RPS6KA1: variants seen among roughly 807,000 people sequenced by gnomAD.
RPS6KA1 encodes ribosomal protein S6 kinase A1.
In RPS6KA1, 48 loss-of-function variants were observed where a neutral mutation model predicts 91.3. The observed-to-expected ratio is 0.53, with a 90% CI of 0.42 to 0.67. The LOEUF is 0.67. Among genes scored for constraint, RPS6KA1 ranks in the 30% least tolerant of loss-of-function variants. RPS6KA1 has a pLI of 0.00. For missense variants in RPS6KA1, 719 were observed against 960.5 expected (o/e 0.75, Z 3.32); for synonymous variants, 359 against 384.7 (o/e 0.93, Z 0.78).
rs748764001 is a variant in RPS6KA1, at chr1:26,562,825, C to CTTTTTTTT, written c.1590+1182_1590+1189dup. On this transcript the variant is annotated intron_variant, in intron 17 of 21. Transcript: ENST00000374168. ...ATAGACACATTTTTCTCCTATTGTCCTTTTTTTTTTTTTTTTTTTTTTTTT... is the reference window on the plus strand; with the variant it reads ...ATAGACACATTTTTCTCCTATTGTCCTTTTTTTTTTTTTTTTTTTTTTTTTTTTTTTTT... Among the ~76,000 whole-genome samples, 26 of 81,430 alleles carry CTTTTTTTT rather than the reference C, an allele frequency of 3.2e-4. 1 individual carries two copies. The highest frequency in any genetic ancestry group is 1.2e-3 in the African/African-American group (24 of 19,712). The allele number at this position is 81,430 out of a possible 152,430, so 53.4% of individuals were successfully genotyped here.
At position 26,540,951 on chromosome 1, in the gene RPS6KA1, C is replaced by T. The variant is rs1023664608; in HGVS notation, c.108+3982C>T. Among the ~76,000 whole-genome samples the T allele has an allele frequency of 3.9e-5, 6 of 152,114 alleles. No homozygotes were observed. Among genetic ancestry groups the T allele is most frequent in the African/African-American group, 1.2e-4 (5 of 41,428 alleles). ...GATTGCAGGCATATGCCACTATGCC[C>T]GGCTAATTTCATATTTTTAGTAGAG... On this transcript the variant is annotated intron_variant, in intron 2 of 21. Coordinates refer to ENST00000374168, the MANE Select transcript of RPS6KA1 (RefSeq NM_002953.4). The surrounding 1 kb of genome is among the most constrained non-coding windows in gnomAD (Gnocchi z 4.2).
At chr1:26,546,790 G>T in intron 2 of RPS6KA1, 77 bp from the exon 3 acceptor site, 1 of 1,075,468 alleles carries the variant, frequency 9.3e-7, no homozygotes, top group Non-Finnish European at 1.4e-6. Context: ...TGGTCTGGTG[G>T]GAATGGACTT....
In RPS6KA1 at chr1:26,561,318, T is replaced by C. The variant is rs1454593545; in HGVS notation, c.1431+184T>C. 6.6e-6 allele frequency among the ~76,000 whole-genome samples: 1 copy of C among 152,176 alleles called. No individual in the cohort carries two copies. The highest frequency in any genetic ancestry group is 2.4e-5 in the African/African-American group (1 of 41,428). On this transcript the variant is annotated intron_variant, in intron 16 of 21. Transcript: ENST00000374168. The surrounding 1 kb of genome is among the most constrained non-coding windows in gnomAD (Gnocchi z 5.7). ...CCCTCCTTCAGACTCAGACATTTTC[T>C]GAGGACCTTCTTGCGTATCAGGAGA... is the stretch of plus-strand genomic sequence containing the variant.
rs2076095800 is a variant in RPS6KA1 at position 26,555,772 on chromosome 1, T to A, written c.916+147T>A. 2 of 783,444 alleles carry A rather than the reference T, an allele frequency of 2.6e-6. No homozygotes were observed. The highest frequency in any genetic ancestry group is 4.3e-6 in the Non-Finnish European group (2 of 466,804). 48.5% of individuals were successfully genotyped at this position (783,444 alleles called of 1,614,324 possible). On this transcript the variant is annotated intron_variant, in intron 11 of 21. Transcript: ENST00000374168. The surrounding 1 kb of genome is among the most constrained non-coding windows in gnomAD (Gnocchi z 4.3). ...GCCGCGGGCCACCCTGCTTTCTGGC[T>A]CCATGTGTGGTGTTGTGGAGGGGGG... is the stretch of plus-strand genomic sequence containing the variant.
chr1:26,556,938 G>A, intron 12 of RPS6KA1, 60 bp from the exon 13 acceptor site: 4 of 1,359,800 alleles, frequency 2.9e-6, no homozygotes, highest in South Asian at 1.2e-5. Context: ...CTCCTGCATG[G>A]GGCTCCTGGT....
In RPS6KA1 at chr1:26,574,032, G is replaced by A. The variant is rs771438193; in HGVS notation, c.2086-47G>A. ...CCCTTGGGGCATGGATCCCCTCCCC[G>A]CTACATCTCCCACCATTGTGACCTG... is the stretch of plus-strand genomic sequence containing the variant. On this transcript the variant is annotated intron_variant, in intron 21 of 21. Transcript: ENST00000374168. The surrounding 1 kb of genome is among the most constrained non-coding windows in gnomAD (Gnocchi z 4.3). 2.2e-5 allele frequency: 35 copies of A among 1,592,110 alleles called. No individual in the cohort carries two copies. Among genetic ancestry groups the A allele is most frequent in the Middle Eastern group, 3.3e-4 (2 of 5,994 alleles).
intron 17 of RPS6KA1, among the ~76,000 whole-genome samples, chr1:26,565,102 G>A (rs2076187624): frequency 6.6e-6 from 1 of 152,210 alleles, no homozygotes; most frequent in Admixed American, 6.5e-5. Context: ...TCTCCTTCCT[G>A]AAGCTAGGAG....
chr1:26,569,400 T>C (rs909582423), intron 17 of RPS6KA1, among the ~76,000 whole-genome samples: 4 of 152,142 alleles, frequency 2.6e-5, no homozygotes, highest in Admixed American at 1.3e-4. Context: ...GGGCCTGGCC[T>C]TGTGCTGTGG....
At position 26,540,416 on chromosome 1, in the gene RPS6KA1, T is replaced by C. The variant is rs543290486; in HGVS notation, c.108+3447T>C. ...TTTCTCTACCTGGAGTGTCTTTTTT[T>C]CCTCCTTTCTGCCTGGCCAACATTT... On this transcript the variant is annotated intron_variant, in intron 2 of 21. Coordinates refer to ENST00000374168, the MANE Select transcript of RPS6KA1 (RefSeq NM_002953.4). The surrounding 1 kb of genome is among the most constrained non-coding windows in gnomAD (Gnocchi z 4.2). Among the ~76,000 whole-genome samples, 1 of 152,144 alleles carries C rather than the reference T, an allele frequency of 6.6e-6. No homozygotes were observed. Among genetic ancestry groups the C allele is most frequent in the South Asian group, 2.1e-4 (1 of 4,834 alleles).
chr1:26,530,847 C>T (rs1197511609), intron 1 of RPS6KA1: 1 of 1,287,064 alleles, frequency 7.8e-7, no homozygotes, highest in Admixed American at 2.3e-5. Flanking sequence ...AAGGTCAAGC[C>T]CCTGAATGAG....
intron 1 of RPS6KA1, among the ~76,000 whole-genome samples, chr1:26,535,404 C>G (rs1268832872): frequency 6.6e-6 from 1 of 152,014 alleles, no homozygotes; most frequent in South Asian, 2.1e-4. Context: ...GGACCCAGCT[C>G]CTGGCTCCAA....
intron 6 of RPS6KA1, chr1:26,552,956 G>A (rs935720650): frequency 5.6e-5 from 17 of 301,830 alleles, no homozygotes; most frequent in African/African-American, 1.8e-4. Flanking sequence ...AAACAAATCC[G>A]ATATATGTTC....
Position 26,561,971 on chromosome 1 carries a change from C to T in RPS6KA1, c.1590+308C>T, listed in dbSNP as rs187006862. On this transcript the variant is annotated intron_variant, in intron 17 of 21. Transcript: ENST00000374168. The surrounding 1 kb of genome is among the most constrained non-coding windows in gnomAD (Gnocchi z 5.7). ...TAATCCCAGCAACTTGGGAGGGCAA[C>T]GCAGGTGGATCACTTGAGGTCAGGA... is the stretch of plus-strand genomic sequence containing the variant. 1.6e-4 allele frequency among the ~76,000 whole-genome samples: 25 copies of T among 152,126 alleles called. No individual in the cohort carries two copies. In the East Asian group the frequency reaches 4.2e-3, roughly 26 times the overall value.
chr1:26,535,097 A>T (rs2075896833), intron 1 of RPS6KA1, among the ~76,000 whole-genome samples: 1 of 151,894 alleles, frequency 6.6e-6, no homozygotes, highest in African/African-American at 2.4e-5. Flanking sequence ...ATGCTGGGTG[A>T]AGTGGAGCTC....
At chr1:26,553,717 G>T in intron 7 of RPS6KA1, 1 of 321,450 alleles carries the variant, frequency 3.1e-6, no homozygotes, top group South Asian at 7.4e-5. Flanking sequence ...AATGTTGCCC[G>T]TCTTTTTTTG....
Position 26,547,106 on chromosome 1 carries a change from G to C in RPS6KA1, c.226-83G>C, listed in dbSNP as rs1398127368. ...GTACCCAGGGAGAGCAAAAAGGTCA[G>C]CTTGGGGCTCAGAGAAGATAGAGGT... On this transcript the variant is annotated intron_variant, in intron 3 of 21. Coordinates refer to ENST00000374168, the MANE Select transcript of RPS6KA1 (RefSeq NM_002953.4). The surrounding 1 kb of genome is among the most constrained non-coding windows in gnomAD (Gnocchi z 4.1). 7 of 1,561,340 alleles carry C rather than the reference G, an allele frequency of 4.5e-6. No homozygotes were observed. Among genetic ancestry groups the C allele is most frequent in the Admixed American group, 3.3e-5 (2 of 59,846 alleles).
intron 13 of RPS6KA1, among the ~76,000 whole-genome samples, chr1:26,557,726 A>G (rs2076114978): frequency 6.7e-6 from 1 of 149,520 alleles, no homozygotes; most frequent in South Asian, 2.1e-4. Flanking sequence ...CTATAAGGGC[A>G]TGTTTTAGGA....
chr1:26,545,718 G>A, intron 2 of RPS6KA1: 1 of 822,134 alleles, frequency 1.2e-6, no homozygotes, highest in Non-Finnish European at 1.8e-6. Context: ...GGGAGAGAGA[G>A]GAAGGGAACG....
rs1438899819 is a variant in RPS6KA1, at chr1:26,574,362, C to T, written c.*161C>T. 4 of 865,672 alleles carry T rather than the reference C, an allele frequency of 4.6e-6. No individual in the cohort carries two copies. Among genetic ancestry groups the T allele is most frequent in the Non-Finnish European group, 8.0e-6 (4 of 499,410 alleles). 53.6% of individuals were successfully genotyped at this position (865,672 alleles called of 1,614,324 possible). On this transcript the variant is annotated 3_prime_UTR_variant, in exon 22 of 22. Transcript: ENST00000374168. This position sits in a 1 kb window ranked among gnomAD's most constrained non-coding sequence, Gnocchi z 4.3. ...CCCCTAATGAGGGTGTGAGAAGTGC[C>T]TTCTCCTTCCCCAGGATGGACTCTT...
Sources: gnomAD v4.1 joint callset for allele counts (sites outside exome capture counted in the v4.1 genomes callset) on GRCh38, gnomAD v4.1.1 for gene constraint, Gnocchi (gnomAD v3.1) non-coding constraint, MANE v1.5 for transcripts, NCBI Gene and HGNC (gene_info 2026-07-23, HGNC 2026-07-21) for gene names.